The following FGFR2 variants were observed in gnomAD, a reference collection of about 807,000 sequenced individuals.
FGFR2 encodes BEK fibroblast growth factor receptor.
FGFR2 carries 19 observed loss-of-function variants against 95.9 expected under a neutral mutation model. The ratio of observed to expected loss-of-function variants is 0.20; its 90% CI spans 0.14 to 0.29. The LOEUF (loss-of-function observed/expected upper bound fraction) is 0.29, where lower values mean the gene tolerates loss of function less well. Ranked by LOEUF, FGFR2 falls within the 10% of genes least tolerant of loss-of-function variation. The pLI is 1.00. For missense variants in FGFR2, 707 were observed against 1,056.9 expected, an observed-to-expected ratio of 0.67 and a Z score of 4.59; for synonymous variants, 392 against 393.3, an observed-to-expected ratio of 1.00 and a Z score of 0.04.
rs779848635 is a variant in FGFR2 at position 121,565,562 on chromosome 10, C to T, written c.252G>A (p.Arg84=). ...KDGVHLGPNN[R]TVLIGEYLQI... ...GCAAGTACTCCCCAATAAGCACTGTCCTATTGTTGGGCCCCAAGTGCACCC... is the reference window on the plus strand; with the variant it reads ...GCAAGTACTCCCCAATAAGCACTGTTCTATTGTTGGGCCCCAAGTGCACCC... Residue 84 remains arginine, a synonymous_variant, in exon 3 of 18, where the codon AGG becomes AGA. Coordinates refer to ENST00000358487, the MANE Select transcript of FGFR2 (RefSeq NM_000141.5). 2.5e-5 allele frequency: 41 copies of T among 1,614,086 alleles called. No individual in the cohort carries two copies. Among genetic ancestry groups the T allele is most frequent in the Non-Finnish European group, 3.3e-5 (39 of 1,180,056 alleles).
intron 17 of FGFR2, among the ~76,000 whole-genome samples, chr10:121,481,462 G>A (rs560892521): frequency 4.5e-4 from 68 of 152,040 alleles, no homozygotes; most frequent in Non-Finnish European, 6.3e-4. Context: ...AAGAGAAAGA[G>A]TCCCCATCCC....
At chr10:121,597,868 C>A (rs535948180) in intron 1 of FGFR2, 94 bp downstream of exon 1, 5 of 382,966 alleles carry the variant, frequency 1.3e-5, no homozygotes, top group Non-Finnish European at 2.3e-5. Flanking sequence ...CCGCGCCCCC[C>A]GCCCGGAGGA....
intron 2 of FGFR2, among the ~76,000 whole-genome samples, chr10:121,574,271 G>A (rs1859330673): frequency 1.3e-5 from 2 of 152,084 alleles, no homozygotes; most frequent in Admixed American, 1.3e-4. Flanking sequence ...GCTCATGTCT[G>A]TAATACCAGC....
rs1564853267 is a variant in FGFR2 at position 121,485,257 on chromosome 10, G to T, written c.2195+138C>A. On this transcript the variant is annotated intron_variant, in intron 16 of 17. Transcript: ENST00000358487. The surrounding 1 kb of genome is among the most constrained non-coding windows in gnomAD (Gnocchi z 4.2). ...TCGCTATGTATCCCAGCTCTGGATT[G>T]AGCCCAGAGAGCTTCAGCCATTCTT... 8.9e-7 allele frequency: 1 copy of T among 1,123,978 alleles called. No individual in the cohort carries two copies. The highest frequency in any genetic ancestry group is 1.3e-6 in the Non-Finnish European group (1 of 741,196). The allele number at this position is 1,123,978 out of a possible 1,614,324, so 69.6% of individuals were successfully genotyped here.
chr10:121,498,788 C>T (rs1353601464), intron 11 of FGFR2, among the ~76,000 whole-genome samples, 183 bp from the exon 12 acceptor site: 6 of 152,192 alleles, frequency 3.9e-5, no homozygotes, highest in Admixed American at 3.9e-4. Flanking sequence ...GGAACTGCCT[C>T]ACTCTGTGTC....
rs146589618 is a variant in FGFR2, at chr10:121,503,926, T to C, written c.1303A>G (p.Ser435Gly). ...RRQVTVSAES[S>G]SSMNSNTPLV... is the part of the protein sequence containing the mutation. ...GGGGTGTTGGAGTTCATGGAGGAGC[T>C]GGACTCAGCCGAAACCTGGATACAA... Residue 435 changes from serine (S) to glycine (G), a missense_variant, in exon 10 of 18, where the codon AGC becomes GGC. Coordinates refer to ENST00000358487, the MANE Select transcript of FGFR2 (RefSeq NM_000141.5). 1.2e-6 allele frequency: 2 copies of C among 1,613,948 alleles called. No individual in the cohort carries two copies. The highest frequency in any genetic ancestry group is 1.3e-5 in the African/African-American group (1 of 74,890).
intron 11 of FGFR2, among the ~76,000 whole-genome samples, chr10:121,500,167 G>A (rs1847414265): frequency 6.6e-6 from 1 of 152,192 alleles, no homozygotes; most frequent in Non-Finnish European, 1.5e-5. Flanking sequence ...ATGGTTAAAA[G>A]TTCTTTAAGT....
At chr10:121,520,252 C>T (rs1850340511) in intron 6 of FGFR2, 83 bp from the exon 7 acceptor site, 4 of 1,395,490 alleles carry the variant, frequency 2.9e-6, no homozygotes, top group Admixed American at 4.6e-5. Flanking sequence ...AGAGGGCTGT[C>T]AGTGACCTCA....
Position 121,533,401 on chromosome 10 carries a change from G to A in FGFR2, c.748+5191C>T, listed in dbSNP as rs7901981. ...CAAGACTCTGTCTCAAAAAACACAAGGAGTGGAGAGAAGACATATCTGGCC... is the reference window on the plus strand; with the variant it reads ...CAAGACTCTGTCTCAAAAAACACAAAGAGTGGAGAGAAGACATATCTGGCC... On this transcript the variant is annotated intron_variant, in intron 6 of 17. Coordinates refer to ENST00000358487, the MANE Select transcript of FGFR2 (RefSeq NM_000141.5). Among the ~76,000 whole-genome samples, 545 of 152,236 alleles carry A rather than the reference G, an allele frequency of 3.6e-3. 4 individuals carry two copies. The highest frequency in any genetic ancestry group is 0.013 in the African/African-American group (522 of 41,556).
At chr10:121,571,361 C>T (rs1346076903) in intron 2 of FGFR2, among the ~76,000 whole-genome samples, 20 of 126,288 alleles carry the variant, frequency 1.6e-4, no homozygotes, top group African/African-American at 4.6e-4. Context: ...TGCAGTGGTG[C>T]GATCTCGGCT....
rs367846860 is a variant in FGFR2, at chr10:121,571,426, G to A, written c.110-5722C>T. ...TGATTCTCCTGCCTCAGCCTCTGGA[G>A]TAATGGGATTACAGGTGCATGCCAT... On this transcript the variant is annotated intron_variant, in intron 2 of 17. Transcript: ENST00000358487. Among the ~76,000 whole-genome samples the A allele has an allele frequency of 3.4e-4, 52 of 150,796 alleles. 1 individual carries two copies. In the East Asian group the frequency reaches 9.3e-3, roughly 27 times the overall value.
At chr10:121,543,096 C>G (rs1854003528) in intron 5 of FGFR2, among the ~76,000 whole-genome samples, 1 of 152,180 alleles carries the variant, frequency 6.6e-6, no homozygotes, top group Non-Finnish European at 1.5e-5. Context: ...AAGCCTTTCT[C>G]CCGCCAGTAT....
intron 13 of FGFR2, 132 bp downstream of exon 13, chr10:121,496,400 A>G: frequency 1.1e-6 from 1 of 926,614 alleles, no homozygotes; most frequent in South Asian, 1.3e-5. Flanking sequence ...GAATAACGCA[A>G]TAAATATTTT....
At chr10:121,512,020 G>A (rs1446941296) in intron 9 of FGFR2, among the ~76,000 whole-genome samples, 1 of 152,188 alleles carries the variant, frequency 6.6e-6, no homozygotes, top group African/African-American at 2.4e-5. Flanking sequence ...TGAGTGAGAC[G>A]CTGTGTGTGT....
chr10:121,541,884 T>A (rs2134663423), intron 5 of FGFR2, among the ~76,000 whole-genome samples: 1 of 152,342 alleles, frequency 6.6e-6, no homozygotes, highest in South Asian at 2.1e-4. Flanking sequence ...CACACATTTT[T>A]TTTGATCTAG....
At chr10:121,501,586 C>T (rs979195936) in intron 10 of FGFR2, among the ~76,000 whole-genome samples, 1 of 152,152 alleles carries the variant, frequency 6.6e-6, no homozygotes. Context: ...AAGGTCTATG[C>T]ACATCGGACG....
chr10:121,526,839 T>TC (rs1290598228), intron 6 of FGFR2: 5 of 398,378 alleles, frequency 1.3e-5, no homozygotes, highest in Non-Finnish European at 2.2e-5. Flanking sequence ...CGCTGTCTGG[T>TC]CACCCAGGTG....
intron 1 of FGFR2, among the ~76,000 whole-genome samples, chr10:121,594,797 GA>G (rs1297230306): frequency 5.3e-5 from 8 of 152,174 alleles, no homozygotes; most frequent in African/African-American, 1.9e-4. Flanking sequence ...AATAATGCAG[GA>G]ATTTATTAAT....
intron 2 of FGFR2, among the ~76,000 whole-genome samples, chr10:121,592,748 A>G (rs1376216796): frequency 6.6e-6 from 1 of 152,238 alleles, no homozygotes; most frequent in East Asian, 1.9e-4. Flanking sequence ...TACCCCAGAC[A>G]CCACTCGGAC....
Sources: gnomAD v4.1 joint callset for allele counts (sites outside exome capture counted in the v4.1 genomes callset) on GRCh38, gnomAD v4.1.1 for gene constraint, Gnocchi (gnomAD v3.1) non-coding constraint, MANE v1.5 for transcripts, NCBI Gene and HGNC (gene_info 2026-07-23, HGNC 2026-07-21) for gene names.